ZNF780B: variants seen among roughly 807,000 people sequenced by gnomAD.
The protein encoded by ZNF780B is zinc finger protein 779.
A neutral mutation model predicts 74.1 loss-of-function variants in ZNF780B; 52 were observed. The observed-to-expected ratio is 0.70, with a 90% CI of 0.56 to 0.88. ZNF780B has a LOEUF of 0.88. ZNF780B is among the 40% of genes least tolerant of loss of function. The pLI is 0.00. For synonymous variants in ZNF780B, 315 were observed against 324.3 expected (o/e 0.97, Z 0.31); for missense variants, 953 against 1,007.6 (o/e 0.95, Z 0.73).
Position 40,035,543 on chromosome 19 carries a change from T to C in ZNF780B, c.1316A>G (p.His439Arg). The C allele has an allele frequency of 6.2e-7, 1 of 1,613,556 alleles. No homozygotes were observed. Among genetic ancestry groups the C allele is most frequent in the South Asian group, 1.1e-5 (1 of 91,048 alleles). ...GANLIQHQKI[H>R]SNEKPFVCRE... is the part of the protein sequence containing the mutation. ...ACATACAAAGGGTTTCTCATTGGAATGAATTTTTTGATGCTGAATAAGATT... is the reference window on the plus strand; with the variant it reads ...ACATACAAAGGGTTTCTCATTGGAACGAATTTTTTGATGCTGAATAAGATT... The change falls in exon 5 of 5, where the codon CAT (histidine) becomes CGT (arginine). Residue 439 changes from histidine (H) to arginine (R), a missense_variant. Transcript: ENST00000434248.
At chr19:40,053,538 A>C (rs1471438168) in intron 1 of ZNF780B, among the ~76,000 whole-genome samples, 1 of 152,200 alleles carries the variant, frequency 6.6e-6, no homozygotes, top group Non-Finnish European at 1.5e-5. Context: ...CCACCATATG[A>C]TCCAGCAATC....
intron 3 of ZNF780B, 52 bp from the exon 4 acceptor site, chr19:40,047,522 T>C: frequency 7.4e-7 from 1 of 1,350,018 alleles, no homozygotes; most frequent in Non-Finnish European, 1.0e-6. Context: ...AAAATTTTTT[T>C]TAAACCCTGA....
At chr19:40,042,970 G>A (rs1279312216) in intron 4 of ZNF780B, among the ~76,000 whole-genome samples, 20 of 151,860 alleles carry the variant, frequency 1.3e-4, no homozygotes, top group Admixed American at 1.2e-3. Context: ...TGGAGGAGGA[G>A]AGGCACTCTG....
At position 40,050,372 on chromosome 19, in the gene ZNF780B, T is replaced by C. The variant is rs1399306744; in HGVS notation, c.-40A>G. The stretch of plus-strand genomic sequence containing the variant: ...AAAATTGGTCAATCTTCCTCGGGCT[T>C]CTCCCCTGGAAAACAACAACAACAA... On this transcript the variant is annotated 5_prime_UTR_variant, in exon 2 of 5. Transcript: ENST00000434248. The C allele has an allele frequency of 6.3e-7, 1 of 1,584,816 alleles. No homozygotes were observed. Among genetic ancestry groups the C allele is most frequent in the Admixed American group, 1.7e-5 (1 of 57,692 alleles).
At chr19:40,041,653 T>C (rs1972644034) in intron 4 of ZNF780B, among the ~76,000 whole-genome samples, 1 of 152,210 alleles carries the variant, frequency 6.6e-6, no homozygotes, top group South Asian at 2.1e-4. Flanking sequence ...CCCTTTACCA[T>C]TATGTAATGG....
At chr19:40,037,806 T>C (rs1356487134) in intron 4 of ZNF780B, among the ~76,000 whole-genome samples, 1 of 152,024 alleles carries the variant, frequency 6.6e-6, no homozygotes, top group Non-Finnish European at 1.5e-5. Flanking sequence ...TCTTATCTTC[T>C]TGCTTGCTTA....
chr19:40,036,029 T>C lies in ZNF780B; in HGVS notation c.830A>G (p.Tyr277Cys), dbSNP rs774944439. 3 of 1,614,050 alleles carry C rather than the reference T, an allele frequency of 1.9e-6. No homozygotes were observed. The highest frequency in any genetic ancestry group is 2.5e-6 in the Non-Finnish European group (3 of 1,179,984). Reference protein sequence around the residue: ...HQSIHAGVKPYQCKECGKAFN... With the variant: ...HQSIHAGVKPCQCKECGKAFN... ...GGCTTTCCCACACTCCTTACATTGATATGGTTTTACACCAGCATGAATACT... is the reference window on the plus strand; with the variant it reads ...GGCTTTCCCACACTCCTTACATTGACATGGTTTTACACCAGCATGAATACT... Residue 277 changes from tyrosine to cysteine, a missense_variant, in exon 5 of 5, where the codon TAT becomes TGT. Coordinates refer to ENST00000434248, the MANE Select transcript of ZNF780B (RefSeq NM_001005851.3).
rs1568404788 is a variant in ZNF780B at position 40,035,223 on chromosome 19, G to A, written c.1636C>T (p.Gln546Ter). 4 of 1,613,994 alleles carry A rather than the reference G, an allele frequency of 2.5e-6. No individual in the cohort carries two copies. The highest frequency in any genetic ancestry group is 2.5e-6 in the Non-Finnish European group (3 of 1,179,996). Residue 546 changes from glutamine to a stop codon, truncating the protein, a stop_gained, in exon 5 of 5, where the codon CAA (glutamine) becomes TAA (stop). Transcript: ENST00000434248. LOFTEE classifies it high-confidence loss of function. ...TCACCTGTATGAGTTTTCTCATGTTGAGAAAGTTGTAGGTGAAGTCTAAAA... is the reference window on the plus strand; with the variant it reads ...TCACCTGTATGAGTTTTCTCATGTTAAGAAAGTTGTAGGTGAAGTCTAAAA... ...KAFRLHLQLS[Q>*]HEKTHTGEKP...
chr19:40,034,250 A>T lies in ZNF780B; in HGVS notation c.*107T>A. ...TTCTACCACTGGTAAAGCATTTCCC[A>T]CATCCTTGACATTCATAAGGGTTCT... On this transcript the variant is annotated 3_prime_UTR_variant, in exon 5 of 5. Transcript: ENST00000434248. 1.0e-6 allele frequency: 1 copy of T among 966,838 alleles called. No individual in the cohort carries two copies. Among genetic ancestry groups the T allele is most frequent in the Non-Finnish European group, 1.5e-6 (1 of 645,848 alleles). The allele number at this position is 966,838 out of a possible 1,614,324, so 59.9% of individuals were successfully genotyped here.
rs1040300241 is a variant in ZNF780B at position 40,048,858 on chromosome 19, G to A, written c.10-62C>T. ...AGAAAGTTGTTTCAAGACGAAAGGA[G>A]AGGAAGTGAAGGATTAAACTGCAAT... On this transcript the variant is annotated intron_variant, in intron 2 of 4. Transcript: ENST00000434248. 2.5e-6 allele frequency: 4 copies of A among 1,607,450 alleles called. No homozygotes were observed. The African/African-American group carries it at 5.4e-5, about 22-fold the overall frequency.
intron 3 of ZNF780B, among the ~76,000 whole-genome samples, chr19:40,048,240 G>A (rs1973029264): frequency 6.6e-6 from 1 of 152,038 alleles, no homozygotes; most frequent in Non-Finnish European, 1.5e-5. Context: ...GACCTCCCAG[G>A]TTCAAGCAAT....
chr19:40,028,366 T>A lies in ZNF780B; in HGVS notation c.*5991A>T, dbSNP rs1030294670. On this transcript the variant is annotated 3_prime_UTR_variant, in exon 5 of 5. Transcript: ENST00000434248. ...GTCATTTAACAATAGTTTAGCATTT[T>A]CTGTCATCTCATTCTGGAGAATCAT... 5.3e-5 allele frequency: 8 copies of A among 152,160 alleles called. No homozygotes were observed. The highest frequency in any genetic ancestry group is 1.9e-4 in the African/African-American group (8 of 41,452). 9.4% of individuals were successfully genotyped at this position (152,160 alleles called of 1,614,324 possible).
chr19:40,044,370 C>A (rs1447652427), intron 4 of ZNF780B, among the ~76,000 whole-genome samples: 1 of 152,044 alleles, frequency 6.6e-6, no homozygotes. Context: ...AAAGAGAATA[C>A]TAAAAACAGC....
chr19:40,034,216 C>A lies in ZNF780B; in HGVS notation c.*141G>T. 1.4e-6 allele frequency: 1 copy of A among 735,484 alleles called. No individual in the cohort carries two copies. The highest frequency in any genetic ancestry group is 1.8e-5 in the South Asian group (1 of 54,562). 45.6% of individuals were successfully genotyped at this position (735,484 alleles called of 1,614,324 possible). A position where few individuals can be genotyped will look rare whatever the true frequency, so the allele number is the denominator to read the frequency against. On this transcript the variant is annotated 3_prime_UTR_variant, in exon 5 of 5. Coordinates refer to ENST00000434248, the MANE Select transcript of ZNF780B (RefSeq NM_001005851.3). ...TCACCAGTATGAATTCTCTGATGTACTCTAAGGTTTCTACCACTGGTAAAG... is the reference window on the plus strand; with the variant it reads ...TCACCAGTATGAATTCTCTGATGTAATCTAAGGTTTCTACCACTGGTAAAG...
At chr19:40,038,263 C>A (rs1217221394) in intron 4 of ZNF780B, among the ~76,000 whole-genome samples, 1 of 150,776 alleles carries the variant, frequency 6.6e-6, no homozygotes, top group Non-Finnish European at 1.5e-5. Flanking sequence ...TTTATGGCTG[C>A]ATAGTATTCC....
At position 40,030,638 on chromosome 19, in the gene ZNF780B, T is replaced by C. The variant is rs1374249955; in HGVS notation, c.*3719A>G. On this transcript the variant is annotated 3_prime_UTR_variant, in exon 5 of 5. Coordinates refer to ENST00000434248, the MANE Select transcript of ZNF780B (RefSeq NM_001005851.3). ...ATTTGTACATACTTGGTTTGTAACTTTAACAAATATATTAAAGTGTTTTAT... is the reference window on the plus strand; with the variant it reads ...ATTTGTACATACTTGGTTTGTAACTCTAACAAATATATTAAAGTGTTTTAT... 1 of 152,254 alleles carries C rather than the reference T, an allele frequency of 6.6e-6. No individual in the cohort carries two copies. The highest frequency in any genetic ancestry group is 2.4e-5 in the African/African-American group (1 of 41,464). 9.4% of individuals were successfully genotyped at this position (152,254 alleles called of 1,614,324 possible).
chr19:40,040,946 C>A (rs28832070), intron 4 of ZNF780B, among the ~76,000 whole-genome samples: 9,609 of 152,200 alleles, frequency 0.063, 1,004 homozygotes, highest in African/African-American at 0.22. Flanking sequence ...TTCTTGCCTT[C>A]TGCTAGCTTT....
At chr19:40,046,511 A>T (rs1290955302) in intron 4 of ZNF780B, among the ~76,000 whole-genome samples, 2 of 152,200 alleles carry the variant, frequency 1.3e-5, no homozygotes, top group African/African-American at 2.4e-5. Context: ...CCGCTGTTCC[A>T]TTACTTACTC....
chr19:40,036,702 G>T, intron 4 of ZNF780B, 76 bp from the exon 5 acceptor site: 2 of 901,926 alleles, frequency 2.2e-6, no homozygotes, highest in South Asian at 2.1e-5. Context: ...TAAACAAATG[G>T]CCTAAGTATA....
Sources: gnomAD v4.1 joint callset for allele counts (sites outside exome capture counted in the v4.1 genomes callset) on GRCh38, gnomAD v4.1.1 for gene constraint, MANE v1.5 for transcripts, NCBI Gene and HGNC (gene_info 2026-07-23, HGNC 2026-07-21) for gene names.